Variants in SNX14 observed in about 807,000 individuals in gnomAD.
SNX14 encodes the protein sorting nexin 14.
Under a neutral mutation model 133.8 loss-of-function variants are expected in SNX14, and 93 were observed. The observed-to-expected ratio is 0.70, with a 90% CI of 0.59 to 0.83. The LOEUF is 0.83. SNX14 is among the 40% of genes least tolerant of loss of function. The probability of loss-of-function intolerance (pLI) is 0.00; values close to 1 mark genes in which losing one functional copy is unlikely to be tolerated. For missense variants in SNX14, 945 were observed against 1,094.9 expected (o/e 0.86, Z 1.93); for synonymous variants, 368 against 365.6 (o/e 1.01, Z -0.07).
intron 21 of SNX14, among the ~76,000 whole-genome samples, 197 bp from the exon 22 acceptor site, chr6:85,518,245 G>A (rs1775717639): frequency 6.6e-6 from 1 of 152,066 alleles, no homozygotes; most frequent in African/African-American, 2.4e-5. Flanking sequence ...TAGAATATTT[G>A]GGATTTACTT....
intron 15 of SNX14, among the ~76,000 whole-genome samples, chr6:85,539,474 T>C (rs1582752318): frequency 1.3e-5 from 2 of 152,290 alleles, no homozygotes; most frequent in East Asian, 1.9e-4. Flanking sequence ...ACTTTAAGTA[T>C]ACAATGAAAC....
intron 7 of SNX14, among the ~76,000 whole-genome samples, chr6:85,556,422 A>T (rs1007306689): frequency 6.6e-6 from 1 of 151,840 alleles, no homozygotes. Flanking sequence ...TTTGTTTTTA[A>T]TTTAAAAAGA....
intron 6 of SNX14, among the ~76,000 whole-genome samples, chr6:85,562,944 C>T (rs1372396080): frequency 6.6e-6 from 1 of 152,068 alleles, no homozygotes; most frequent in Non-Finnish European, 1.5e-5. Context: ...AATGTGAGAA[C>T]TATACCAATT....
intron 15 of SNX14, among the ~76,000 whole-genome samples, chr6:85,541,452 T>C (rs1783732637): frequency 6.6e-6 from 1 of 152,226 alleles, no homozygotes; most frequent in Non-Finnish European, 1.5e-5. Flanking sequence ...AGATTTGATG[T>C]CTGTATCAAT....
At chr6:85,518,115 C>A in intron 21 of SNX14, 67 bp from the exon 22 acceptor site, 2 of 1,268,804 alleles carry the variant, frequency 1.6e-6, no homozygotes, top group Admixed American at 2.1e-5. Flanking sequence ...CACATGAATA[C>A]TTAACCAGGT....
At chr6:85,570,825 C>T (rs1402498224) in intron 4 of SNX14, among the ~76,000 whole-genome samples, 1 of 152,018 alleles carries the variant, frequency 6.6e-6, no homozygotes, top group African/African-American at 2.4e-5. Context: ...TGCACTCCAG[C>T]CTGGGTGACA....
In SNX14 at chr6:85,527,397, A is replaced by ATT. The variant is rs35426099; in HGVS notation, c.1995+863_1995+864dup. ...ATACAGAAGATACCTATATATATAT[A>ATT]TTTTTTTTTCAACTTAGGGTTGAAA... is the stretch of plus-strand genomic sequence containing the variant. On this transcript the variant is annotated intron_variant, in intron 20 of 28. Transcript: ENST00000314673. Among the ~76,000 whole-genome samples, 107 of 135,910 alleles carry ATT rather than the reference A, an allele frequency of 7.9e-4. 2 individuals are homozygous for ATT. Among genetic ancestry groups the ATT allele is most frequent in the African/African-American group, 2.6e-3 (100 of 38,640 alleles). 89.2% of individuals were successfully genotyped at this position (135,910 alleles called of 152,430 possible).
intron 5 of SNX14, among the ~76,000 whole-genome samples, chr6:85,565,744 T>C (rs1433745214): frequency 6.6e-6 from 1 of 152,104 alleles, no homozygotes; most frequent in Non-Finnish European, 1.5e-5. Context: ...AATAAAACAA[T>C]GAATAATTTT....
intron 21 of SNX14, among the ~76,000 whole-genome samples, chr6:85,519,894 A>C (rs544371433): frequency 7.2e-5 from 11 of 152,156 alleles, no homozygotes; most frequent in Non-Finnish European, 1.0e-4. Context: ...CAAAACAAAA[A>C]AAAACTATGA....
chr6:85,539,206 A>C (rs1194955296), intron 15 of SNX14, among the ~76,000 whole-genome samples: 6 of 152,184 alleles, frequency 3.9e-5, no homozygotes, highest in Non-Finnish European at 8.8e-5. Flanking sequence ...TTAGAAATTA[A>C]ATATCCAGAA....
At chr6:85,593,484 G>A (rs1803594206) in intron 1 of SNX14, 95 bp downstream of exon 1, 2 of 1,466,054 alleles carry the variant, frequency 1.4e-6, no homozygotes, top group African/African-American at 1.4e-5. Context: ...CCCCAGTCCC[G>A]CAGCTACGCG....
At chr6:85,549,973 G>T (rs1187178397) in intron 7 of SNX14, 94 bp from the exon 8 acceptor site, 2 of 1,110,414 alleles carry the variant, frequency 1.8e-6, no homozygotes, top group Non-Finnish European at 2.5e-6. Context: ...TGGGCTGGGC[G>T]TGGTGGCTCA....
chr6:85,518,763 A>G (rs112250462), intron 21 of SNX14, among the ~76,000 whole-genome samples: 2,202 of 152,194 alleles, frequency 0.014, 49 homozygotes, highest in African/African-American at 0.051. Flanking sequence ...AAACCACCCA[A>G]CCTTCCCATT....
chr6:85,528,913 G>A (rs1432953471), intron 19 of SNX14, among the ~76,000 whole-genome samples: 2 of 114,106 alleles, frequency 1.8e-5, no homozygotes, highest in Non-Finnish European at 4.2e-5. Flanking sequence ...TTAGCCAGGC[G>A]TGGTGGTAAA....
chr6:85,536,775 T>C lies in SNX14; in HGVS notation c.1608+17A>G. 1 of 1,602,804 alleles carries C rather than the reference T, an allele frequency of 6.2e-7. No individual in the cohort carries two copies. Among genetic ancestry groups the C allele is most frequent in the African/African-American group, 1.3e-5 (1 of 74,534 alleles). The stretch of plus-strand genomic sequence containing the variant: ...GTCTGAAGTTATAAATAAATCAAAT[T>C]GATACATTTTACTTACAAAATCATC... On this transcript the variant is annotated intron_variant, in intron 17 of 28. Transcript: ENST00000314673.
chr6:85,538,726 G>T, intron 16 of SNX14, 112 bp downstream of exon 16: 1 of 763,608 alleles, frequency 1.3e-6, no homozygotes, highest in South Asian at 2.0e-5. Flanking sequence ...GGATATAATG[G>T]CAGTTAATAC....
Position 85,514,519 on chromosome 6 carries a change from G to C in SNX14, c.2379C>G (p.Tyr793Ter), listed in dbSNP as rs1196127914. The C allele has an allele frequency of 3.1e-6, 5 of 1,613,208 alleles. No homozygotes were observed. Among genetic ancestry groups the C allele is most frequent in the Admixed American group, 3.3e-5 (2 of 59,998 alleles). ...CTTAGATCTTACCTACATACATCAG[G>C]TAATCATAGACTCCTTCTACAGTCA... Reference protein sequence around the residue: ...EVMTVEGVYDYLMYVGRVVFQ... With the variant: ...EVMTVEGVYD Residue 793 changes from tyrosine (Y) to a stop codon, truncating the protein, a stop_gained, in exon 24 of 29, where the codon TAC becomes TAG. Coordinates refer to ENST00000314673, the MANE Select transcript of SNX14 (RefSeq NM_153816.6). LOFTEE classifies it high-confidence loss of function.
intron 18 of SNX14, among the ~76,000 whole-genome samples, chr6:85,530,954 T>C (rs1409354845): frequency 1.3e-5 from 2 of 152,192 alleles, no homozygotes; most frequent in Non-Finnish European, 2.9e-5. Flanking sequence ...TACCATATTG[T>C]CCTAATTTAA....
chr6:85,518,862 T>A (rs1168926030), intron 21 of SNX14, among the ~76,000 whole-genome samples: 1 of 152,184 alleles, frequency 6.6e-6, no homozygotes, highest in African/African-American at 2.4e-5. Flanking sequence ...ATCCTATGCT[T>A]TTCTGTCTTC....
Sources: gnomAD v4.1 joint callset for allele counts (sites outside exome capture counted in the v4.1 genomes callset) on GRCh38, gnomAD v4.1.1 for gene constraint, MANE v1.5 for transcripts, NCBI Gene and HGNC (gene_info 2026-07-23, HGNC 2026-07-21) for gene names.